Variants in PIK3R6 observed in about 807,000 individuals in gnomAD.
PIK3R6 encodes the protein phosphoinositide-3-kinase regulatory subunit 6.
In PIK3R6, 91 loss-of-function variants were observed where a neutral mutation model predicts 84.9. The ratio of observed to expected loss-of-function variants is 1.07; its 90% confidence interval spans 0.90 to 1.28. PIK3R6 has a LOEUF of 1.28. Among genes scored for constraint, PIK3R6 ranks in the 50% most tolerant of loss-of-function variants. The probability of loss-of-function intolerance (pLI) is 0.00; values close to 1 mark genes in which losing one functional copy is unlikely to be tolerated. For synonymous variants in PIK3R6, 416 were observed against 411.4 expected, an observed-to-expected ratio of 1.01 and a Z score of -0.13; for missense variants, 996 against 985.1, an observed-to-expected ratio of 1.01 and a Z score of -0.15.
At chr17:8,860,010 G>A (rs968656215) in intron 1 of PIK3R6, among the ~76,000 whole-genome samples, 1 of 152,204 alleles carries the variant, frequency 6.6e-6, no homozygotes, top group Admixed American at 6.5e-5. Flanking sequence ...TAACCATTTC[G>A]CAGACTCATG....
chr17:8,833,937 G>C (rs2088354760), intron 8 of PIK3R6, among the ~76,000 whole-genome samples: 1 of 151,700 alleles, frequency 6.6e-6, no homozygotes, highest in Non-Finnish European at 1.5e-5. Context: ...GGAAGGCCGG[G>C]GTAGGTGGAT....
chr17:8,859,880 A>G (rs2089230819), intron 1 of PIK3R6, among the ~76,000 whole-genome samples: 1 of 152,060 alleles, frequency 6.6e-6, no homozygotes, highest in Non-Finnish European at 1.5e-5. Flanking sequence ...ACAGGAGCCA[A>G]TCCCTGCTAA....
rs1383875776 is a variant in PIK3R6 at position 8,802,886 on chromosome 17, A to G, written c.*387T>C. On this transcript the variant is annotated 3_prime_UTR_variant, in exon 20 of 20. Coordinates refer to ENST00000619866, the MANE Select transcript of PIK3R6 (RefSeq NM_001010855.4). ...GTGCTGTTGCTGTTCCTTGCTTCCA[A>G]TTTTCCCCTAGGCCACAGGGCTCTG... is the stretch of plus-strand genomic sequence containing the variant. The G allele has an allele frequency of 5.4e-6, 1 of 185,900 alleles. No individual in the cohort carries two copies. The highest frequency in any genetic ancestry group is 1.1e-5 in the Non-Finnish European group (1 of 88,736). 11.5% of individuals were successfully genotyped at this position (185,900 alleles called of 1,614,324 possible). A position where few individuals can be genotyped will look rare whatever the true frequency, so the allele number is the denominator to read the frequency against.
chr17:8,833,464 G>A (rs1777850486), intron 8 of PIK3R6, among the ~76,000 whole-genome samples: 1 of 152,012 alleles, frequency 6.6e-6, no homozygotes, highest in African/African-American at 2.4e-5. Context: ...ACTGCACCAG[G>A]TGTTGTTCTA....
intron 13 of PIK3R6, among the ~76,000 whole-genome samples, chr17:8,824,707 A>G (rs570088731): frequency 1.3e-5 from 2 of 152,354 alleles, no homozygotes; most frequent in Non-Finnish European, 2.9e-5. Context: ...GCAAAGGAGC[A>G]CCAATGGGGC....
At chr17:8,860,095 T>C (rs1248211047) in intron 1 of PIK3R6, among the ~76,000 whole-genome samples, 1 of 152,184 alleles carries the variant, frequency 6.6e-6, no homozygotes, top group Non-Finnish European at 1.5e-5. Flanking sequence ...ACCATGCGTA[T>C]GGTAAAAATC....
At chr17:8,861,629 A>G (rs895867018) in intron 1 of PIK3R6, among the ~76,000 whole-genome samples, 2 of 152,194 alleles carry the variant, frequency 1.3e-5, no homozygotes, top group African/African-American at 4.8e-5. Context: ...ACTGTAAGCC[A>G]CTTGCTAGCC....
At chr17:8,829,239 ACACATGCATG>A in intron 10 of PIK3R6, among the ~76,000 whole-genome samples, 1 of 151,424 alleles carries the variant, frequency 6.6e-6, no homozygotes, top group African/African-American at 2.4e-5. Flanking sequence ...ACACACTGAA[ACACATGCATG>A]CACGCATACA....
At chr17:8,808,425 G>A (rs2087264994) in intron 18 of PIK3R6, among the ~76,000 whole-genome samples, 2 of 151,970 alleles carry the variant, frequency 1.3e-5, no homozygotes, top group African/African-American at 4.8e-5. Flanking sequence ...CATGGATACT[G>A]AGGAATGACT....
chr17:8,822,896 G>T, intron 15 of PIK3R6, 100 bp downstream of exon 15: 2 of 1,071,784 alleles, frequency 1.9e-6, no homozygotes, highest in Non-Finnish European at 2.9e-6. Context: ...AAGCACTGAG[G>T]GTGTGGGCGT....
rs774568197 is a variant in PIK3R6 at position 8,837,810 on chromosome 17, A to G, written c.251T>C (p.Leu84Pro). Residue 84 changes from leucine to proline, a missense_variant, in exon 5 of 20, where the codon CTC becomes CCC. Coordinates refer to ENST00000619866, the MANE Select transcript of PIK3R6 (RefSeq NM_001010855.4). ...CCTCAGTCCCCAGCTCACCTTGGTG[A>G]GCACGTACATTACAGTGTGCAGCAA... ...IPLLHTVMYV[L>P]TKATGITEEL... 6.2e-7 allele frequency: 1 copy of G among 1,613,474 alleles called. No individual in the cohort carries two copies. Among genetic ancestry groups the G allele is most frequent in the Non-Finnish European group, 8.5e-7 (1 of 1,179,592 alleles).
rs2089305210 is a variant in PIK3R6, at chr17:8,862,418, T to C, written c.-92+5111A>G. ...AAACAAGTTTGTTGGGCATGGTTGCTACAATAAATGACACAGGAAACAGAG... is the reference window on the plus strand; with the variant it reads ...AAACAAGTTTGTTGGGCATGGTTGCCACAATAAATGACACAGGAAACAGAG... On this transcript the variant is annotated intron_variant, in intron 1 of 19. Coordinates refer to ENST00000619866, the MANE Select transcript of PIK3R6 (RefSeq NM_001010855.4). The surrounding 1 kb of genome is among the most constrained non-coding windows in gnomAD (Gnocchi z 4.3). 6.6e-6 allele frequency among the ~76,000 whole-genome samples: 1 copy of C among 152,152 alleles called. No homozygotes were observed. Among genetic ancestry groups the C allele is most frequent in the Admixed American group, 6.5e-5 (1 of 15,274 alleles).
chr17:8,838,537 C>A, intron 4 of PIK3R6, 27 bp downstream of exon 4: 1 of 1,569,326 alleles, frequency 6.4e-7, no homozygotes, highest in Non-Finnish European at 8.6e-7. Context: ...TCATCCCCGT[C>A]TTCCTCCCTG....
chr17:8,851,640 G>T (rs1470291212), intron 1 of PIK3R6, among the ~76,000 whole-genome samples: 1 of 152,242 alleles, frequency 6.6e-6, no homozygotes, highest in Non-Finnish European at 1.5e-5. Context: ...CAGACTCTGG[G>T]AGGATGTGGT....
In PIK3R6 at chr17:8,836,836, C is replaced by G. The variant is rs763309570; in HGVS notation, c.346G>C (p.Ala116Pro). 1 of 1,596,748 alleles carries G rather than the reference C, an allele frequency of 6.3e-7. No individual in the cohort carries two copies. The highest frequency in any genetic ancestry group is 1.8e-5 in the Admixed American group (1 of 57,032). Residue 116 changes from alanine (A) to proline (P), a missense_variant, in exon 6 of 20, where the codon GCC (alanine) becomes CCC (proline). Physicochemically the swap from Ala to Pro is conservative, Grantham distance 27. Coordinates refer to ENST00000619866, the MANE Select transcript of PIK3R6 (RefSeq NM_001010855.4). ...LTLPTPYCTV[A>P]LDCAIRLKTE... ...TTCAGCCTTATCGCGCAGTCCAAGG[C>G]GACTGTGCAGTAGGGGGTGGGCAGG...
intron 18 of PIK3R6, among the ~76,000 whole-genome samples, chr17:8,817,636 G>A (rs547758058): frequency 1.7e-4 from 26 of 151,508 alleles, no homozygotes; most frequent in African/African-American, 4.8e-4. Context: ...GTGAGACTCC[G>A]TCTCGAAAAA....
chr17:8,822,587 C>T lies in PIK3R6; in HGVS notation c.1788G>A (p.Lys596=), dbSNP rs549705293. 48 of 1,613,976 alleles carry T rather than the reference C, an allele frequency of 3.0e-5. No individual in the cohort carries two copies. The highest frequency in any genetic ancestry group is 3.7e-5 in the Non-Finnish European group (44 of 1,179,858). ...PGAELSLCYQ[K]ALLSHRPREV... is the part of the protein sequence containing the mutation. The stretch of plus-strand genomic sequence containing the variant: ...ACTGACCACGTCCATGCACACTGAC[C>T]TTCTGGTAGCATAGGGAGAGCTCTG... Residue 596 remains lysine (K), a splice_region_variant and synonymous_variant, in exon 16 of 20, where the codon AAG becomes AAA. Transcript: ENST00000619866.
At position 8,822,612 on chromosome 17, in the gene PIK3R6, G is replaced by A; in HGVS notation, c.1763C>T (p.Ala588Val). The A allele has an allele frequency of 8.7e-6, 14 of 1,614,006 alleles. No homozygotes were observed. The highest frequency in any genetic ancestry group is 1.2e-5 in the Non-Finnish European group (14 of 1,179,878). ...CTTCTGGTAGCATAGGGAGAGCTCT[G>A]CCCCTGGGCCCTCAGCCACGCCTCT... The part of the protein sequence containing the change: ...RRRGVAEGPG[A>V]ELSLCYQKAL... Residue 588 changes from alanine (A) to valine (V), a missense_variant, in exon 16 of 20, where the codon GCA (alanine) becomes GTA (valine). Ala to Val is a moderately conservative substitution (Grantham distance 64). Transcript: ENST00000619866.
rs1317074396 is a variant in PIK3R6, at chr17:8,844,135, C to T, written c.14-4438G>A. On this transcript the variant is annotated intron_variant, in intron 2 of 19. Transcript: ENST00000619866. This position sits in a 1 kb window ranked among gnomAD's most constrained non-coding sequence, Gnocchi z 4.5. ...GGCCGCTAAGCACTGAGCCCTGTGC[C>T]TCTGATGCCACAGCAAAGGTCTCCT... Among the ~76,000 whole-genome samples the T allele has an allele frequency of 1.3e-5, 2 of 152,194 alleles. No homozygotes were observed. The highest frequency in any genetic ancestry group is 4.8e-5 in the African/African-American group (2 of 41,444).
Sources: allele counts gnomAD v4.1 joint callset (sites outside exome capture counted in the v4.1 genomes callset), GRCh38; gene constraint gnomAD v4.1.1; non-coding constraint Gnocchi (gnomAD v3.1); transcripts MANE v1.5; gene names NCBI Gene and HGNC (gene_info 2026-07-23, HGNC 2026-07-21).